DOCK3: variants seen among roughly 807,000 people sequenced by gnomAD.
DOCK3 encodes dedicator of cytokinesis 3, also known as dedicator of cytokinesis protein 3.
A neutral mutation model predicts 265.6 loss-of-function variants in DOCK3; 60 were observed. That is an observed-to-expected ratio of 0.23 (90% CI 0.18 to 0.28). The LOEUF (loss-of-function observed/expected upper bound fraction) is 0.28. Among genes scored for constraint, DOCK3 ranks in the 10% least tolerant of loss-of-function variants. DOCK3 has a pLI of 1.00. For missense variants in DOCK3, 1,981 were observed against 2,594.3 expected (o/e 0.76, Z 5.14); for synonymous variants, 881 against 938.0 (o/e 0.94, Z 1.11).
At chr3:51,000,893 T>G (rs1319085311) in intron 5 of DOCK3, among the ~76,000 whole-genome samples, 1 of 152,248 alleles carries the variant, frequency 6.6e-6, no homozygotes, top group African/African-American at 2.4e-5. Flanking sequence ...CCTCAGGTGA[T>G]CCATCTGCCT....
intron 9 of DOCK3, among the ~76,000 whole-genome samples, chr3:51,109,214 T>C (rs1292374482): frequency 6.6e-6 from 1 of 152,076 alleles, no homozygotes; most frequent in African/African-American, 2.4e-5. Flanking sequence ...AATTCAAGAA[T>C]AGGAAAATCT....
chr3:50,885,381 T>G (rs2048274026), intron 3 of DOCK3, among the ~76,000 whole-genome samples: 1 of 113,538 alleles, frequency 8.8e-6, no homozygotes, highest in African/African-American at 3.3e-5. Flanking sequence ...TTTTTTTTTT[T>G]GTATGGGCAT....
At chr3:50,766,541 G>T (rs2040890237) in intron 1 of DOCK3, among the ~76,000 whole-genome samples, 2 of 151,952 alleles carry the variant, frequency 1.3e-5, no homozygotes, top group Admixed American at 1.3e-4. Flanking sequence ...ATTTTGGTTG[G>T]TTCCAAGTCT....
chr3:51,059,073 C>A (rs1222514843), intron 5 of DOCK3, among the ~76,000 whole-genome samples: 1 of 152,072 alleles, frequency 6.6e-6, no homozygotes, highest in Non-Finnish European at 1.5e-5. Flanking sequence ...AACCCTTGTA[C>A]TTCACCCTGT....
intron 1 of DOCK3, among the ~76,000 whole-genome samples, chr3:50,686,444 A>G (rs964544519): frequency 1.3e-5 from 2 of 152,220 alleles, no homozygotes; most frequent in African/African-American, 4.8e-5. Flanking sequence ...ATCCTCTTCT[A>G]GCATGCACAA....
At chr3:51,139,071 A>G (rs993242913) in intron 9 of DOCK3, among the ~76,000 whole-genome samples, 11 of 152,188 alleles carry the variant, frequency 7.2e-5, no homozygotes, top group Non-Finnish European at 1.3e-4. Context: ...ATAATCTGCC[A>G]TCATCAGTAC....
At chr3:50,886,958 A>G (rs1553693946) in intron 3 of DOCK3, among the ~76,000 whole-genome samples, 3 of 152,008 alleles carry the variant, frequency 2.0e-5, no homozygotes, top group Admixed American at 6.6e-5. Context: ...AAGAACTAGA[A>G]AAGCAAGAGC....
intron 1 of DOCK3, among the ~76,000 whole-genome samples, chr3:50,742,101 C>T (rs1002005329): frequency 3.3e-5 from 5 of 152,198 alleles, no homozygotes; most frequent in East Asian, 3.9e-4. Flanking sequence ...TCATGTCCTT[C>T]GCCCACTTTT....
intron 1 of DOCK3, among the ~76,000 whole-genome samples, chr3:50,761,115 CT>C (rs1433651819): frequency 5.3e-5 from 8 of 151,846 alleles, no homozygotes; most frequent in Non-Finnish European, 2.9e-5. Context: ...ACATAAGATC[CT>C]GTCTTCTTTA....
chr3:51,086,227 C>T (rs1194719090), intron 7 of DOCK3, among the ~76,000 whole-genome samples: 2 of 152,330 alleles, frequency 1.3e-5, no homozygotes, highest in Admixed American at 6.5e-5. Flanking sequence ...AGGAGCATGT[C>T]CTTAAGGCAC....
chr3:51,178,476 G>C (rs957472041), intron 12 of DOCK3, among the ~76,000 whole-genome samples: 7 of 152,174 alleles, frequency 4.6e-5, no homozygotes, highest in Non-Finnish European at 7.3e-5. Context: ...CCCCATTCTG[G>C]AGGAATGCTG....
At chr3:50,996,284 C>G (rs2078281579) in intron 5 of DOCK3, among the ~76,000 whole-genome samples, 1 of 151,140 alleles carries the variant, frequency 6.6e-6, no homozygotes, top group South Asian at 2.1e-4. Context: ...GTGGCGCTAT[C>G]TCGGCTCACT....
intron 32 of DOCK3, among the ~76,000 whole-genome samples, chr3:51,319,928 T>A (rs890408350): frequency 3.9e-5 from 6 of 152,066 alleles, no homozygotes; most frequent in African/African-American, 1.4e-4. Flanking sequence ...TAACCCATAA[T>A]CCTACCATTG....
At chr3:50,848,149 A>G (rs1285050819) in intron 3 of DOCK3, among the ~76,000 whole-genome samples, 1 of 152,056 alleles carries the variant, frequency 6.6e-6, no homozygotes. Context: ...TTTGCATAGT[A>G]GATCTGTCTT....
At chr3:50,922,419 G>A (rs1172699932) in intron 4 of DOCK3, among the ~76,000 whole-genome samples, 1 of 152,196 alleles carries the variant, frequency 6.6e-6, no homozygotes, top group Non-Finnish European at 1.5e-5. Flanking sequence ...ATTGTATTAG[G>A]GTGGGAGTGT....
At chr3:51,314,096 TCTC>T (rs1199751248) in intron 31 of DOCK3, among the ~76,000 whole-genome samples, 1 of 152,160 alleles carries the variant, frequency 6.6e-6, no homozygotes, top group East Asian at 1.9e-4. Flanking sequence ...CCACAGTTTA[TCTC>T]CTCAATAGTC....
intron 2 of DOCK3, chr3:50,787,502 T>C (rs2042243815): frequency 1.9e-6 from 1 of 516,070 alleles, no homozygotes; most frequent in Admixed American, 3.0e-5. Flanking sequence ...GCCATTGCAC[T>C]CCAGCCTGGG....
At chr3:51,001,936 CAG>C (rs35600215) in intron 5 of DOCK3, among the ~76,000 whole-genome samples, 10,521 of 151,930 alleles carry the variant, frequency 0.069, 589 homozygotes, top group East Asian at 0.24. Context: ...TTTTAAGAGA[CAG>C]GGTCTCACTC....
At chr3:51,076,419 A>G (rs887279747) in intron 7 of DOCK3, among the ~76,000 whole-genome samples, 3 of 152,206 alleles carry the variant, frequency 2.0e-5, no homozygotes, top group Non-Finnish European at 4.4e-5. Context: ...TGGACAACAT[A>G]GTGAGACCCA....
Sources: gnomAD v4.1 joint callset for allele counts (sites outside exome capture counted in the v4.1 genomes callset) on GRCh38, gnomAD v4.1.1 for gene constraint, MANE v1.5 for transcripts, NCBI Gene and HGNC (gene_info 2026-07-23, HGNC 2026-07-21) for gene names.